The following DMBT1 variants were observed in gnomAD, a reference collection of about 807,000 sequenced individuals.
The protein encoded by DMBT1 is scavenger receptor cysteine-rich domain-containing protein DMBT1.
A neutral mutation model predicts 252.9 loss-of-function variants in DMBT1; 198 were observed. The ratio of observed to expected loss-of-function variants is 0.78; its 90% confidence interval spans 0.70 to 0.88. The LOEUF (loss-of-function observed/expected upper bound fraction) is 0.88, where lower values mean the gene tolerates loss of function less well. Among genes scored for constraint, DMBT1 ranks in the 40% least tolerant of loss-of-function variants. DMBT1 has a pLI of 0.00. For synonymous variants in DMBT1, 990 were observed against 942.7 expected (o/e 1.05, Z -0.92); for missense variants, 2,432 against 2,404.7 (o/e 1.01, Z -0.24).
At position 122,592,610 on chromosome 10, in the gene DMBT1, C is replaced by A. The variant is rs78191656; in HGVS notation, c.2500+15C>A. On this transcript the variant is annotated intron_variant, in intron 20 of 55. Transcript: ENST00000338354. ...CATCTGCTCAGGTGGGCCTCCAAGA[C>A]CTTGGGCTCCCTCTCCTAGACTGGA... 1 of 1,588,332 alleles carries A rather than the reference C, an allele frequency of 6.3e-7. No individual in the cohort carries two copies. The highest frequency in any genetic ancestry group is 8.6e-7 in the Non-Finnish European group (1 of 1,165,604).
Position 122,576,566 on chromosome 10 carries a change from G to C in DMBT1, c.451G>C (p.Ala151Pro). Reference protein sequence around the residue: ...RQLGCGWAMSAPGNAWFGQGS... With the variant: ...RQLGCGWAMSPPGNAWFGQGS... ...GCTGGGTTGTGGCTGGGCCATGTCA[G>C]CTCCAGGAAATGCCTGGTTTGGCCA... The change falls in exon 7 of 56, where the codon GCT becomes CCT. Residue 151 changes from alanine to proline, a missense_variant. Physicochemically the swap from Ala to Pro is conservative, Grantham distance 27. Coordinates refer to ENST00000338354, the MANE Select transcript of DMBT1 (RefSeq NM_001377530.1). 6.2e-7 allele frequency: 1 copy of C among 1,613,970 alleles called. No individual in the cohort carries two copies. The highest frequency in any genetic ancestry group is 8.5e-7 in the Non-Finnish European group (1 of 1,179,864).
chr10:122,633,204 C>T lies in DMBT1; in HGVS notation c.6411C>T (p.Cys2137=), dbSNP rs779346078. Residue 2137 remains cysteine (C), a synonymous_variant, in exon 52 of 56, where the codon TGC becomes TGT. Coordinates refer to ENST00000338354, the MANE Select transcript of DMBT1 (RefSeq NM_001377530.1). ...TTGTCCTGACAGCAGATTATTCCTG[C>T]GGAGGCTTCCTATCCCAACCATCAG... ...NITRPNTDYS[C]GGFLSQPSGD... The T allele has an allele frequency of 1.9e-5, 31 of 1,613,788 alleles. No individual in the cohort carries two copies. The highest frequency in any genetic ancestry group is 8.3e-5 in the Admixed American group (5 of 60,002).
chr10:122,586,277 T>C lies in DMBT1; in HGVS notation c.1677T>C (p.Asp559=), dbSNP rs1334277527. Residue 559 remains aspartate, a synonymous_variant, in exon 16 of 56, where the codon GAT becomes GAC. Transcript: ENST00000338354. ...FGQGSGPIVL[D]DVRCSGNESY... ...AGGGCTCAGGACCCATTGTCCTGGATGACGTGCGCTGCTCAGGGAATGAGT... is the reference window on the plus strand; with the variant it reads ...AGGGCTCAGGACCCATTGTCCTGGACGACGTGCGCTGCTCAGGGAATGAGT... 5.7e-6 allele frequency: 9 copies of C among 1,588,542 alleles called. No individual in the cohort carries two copies. In the African/African-American group the frequency reaches 6.7e-5, roughly 12 times the overall value.
At position 122,570,490 on chromosome 10, in the gene DMBT1, C is replaced by G. The variant is rs7900391; in HGVS notation, c.139+281C>G. On this transcript the variant is annotated intron_variant, in intron 3 of 55. Transcript: ENST00000338354. Reference sequence around the variant, plus strand: ...TTGGTTTTCTTTCAAAACCATCTTTCTTTCTTGTTGAACCACCTTCTCGGG... The same window carrying G: ...TTGGTTTTCTTTCAAAACCATCTTTGTTTCTTGTTGAACCACCTTCTCGGG... 5.8e-3 allele frequency among the ~76,000 whole-genome samples: 880 copies of G among 152,300 alleles called. 7 individuals are homozygous for G. The highest frequency in any genetic ancestry group is 0.02 in the African/African-American group (847 of 41,562).
chr10:122,620,371 G>C, intron 43 of DMBT1, 80 bp downstream of exon 43: 2 of 1,519,280 alleles, frequency 1.3e-6, no homozygotes, highest in East Asian at 4.5e-5. Flanking sequence ...AAAGAATGAG[G>C]CTCAAGCTGG....
At chr10:122,634,464 CTCTCTCTCTCTCTCTCTTTCTCTCTT>C (rs1566009403) in intron 52 of DMBT1, among the ~76,000 whole-genome samples, 1 of 88,158 alleles carries the variant, frequency 1.1e-5, no homozygotes, top group African/African-American at 5.5e-5. Context: ...CTCTCTCTCT[CTCTCTCTCTCTCTCTCTTTCTCTCTT>C]TTTCTTTCTT....
At chr10:122,632,105 C>T (rs1322304234) in intron 50 of DMBT1, among the ~76,000 whole-genome samples, 2 of 152,116 alleles carry the variant, frequency 1.3e-5, no homozygotes, top group African/African-American at 4.8e-5. Flanking sequence ...CGAGGTGAGG[C>T]CCGCCACCTG....
chr10:122,592,317 G>A lies in DMBT1; in HGVS notation c.2222G>A (p.Arg741Lys). Reference sequence around the variant, plus strand: ...CTGAGGCTGGTGAATGGAAGTGACAGGTGTCAGGGCCGAGTAGAGGTCCTA... The same window carrying A: ...CTGAGGCTGGTGAATGGAAGTGACAAGTGTCAGGGCCGAGTAGAGGTCCTA... ...LTLRLVNGSD[R>K]CQGRVEVLYR... Residue 741 changes from arginine to lysine, a missense_variant, in exon 20 of 56, where the codon AGG (arginine) becomes AAG (lysine). Arg to Lys is a conservative substitution (Grantham distance 26). Coordinates refer to ENST00000338354, the MANE Select transcript of DMBT1 (RefSeq NM_001377530.1). 3 of 1,587,854 alleles carry A rather than the reference G, an allele frequency of 1.9e-6. No individual in the cohort carries two copies. Among genetic ancestry groups the A allele is most frequent in the Non-Finnish European group, 2.6e-6 (3 of 1,165,692 alleles).
intron 55 of DMBT1, among the ~76,000 whole-genome samples, chr10:122,642,175 GA>G (rs59805964): frequency 3.5e-5 from 5 of 143,374 alleles, no homozygotes; most frequent in Non-Finnish European, 7.7e-5. Context: ...GAGCTACTGT[GA>G]AAAAAAAAAC....
chr10:122,638,443 T>A (rs1051888890), intron 54 of DMBT1, among the ~76,000 whole-genome samples: 1 of 152,224 alleles, frequency 6.6e-6, no homozygotes, highest in South Asian at 2.1e-4. Flanking sequence ...TTTTATTTTA[T>A]TTTAATTTTT....
chr10:122,599,580 C>T (rs190223500), intron 26 of DMBT1, among the ~76,000 whole-genome samples: 54 of 152,244 alleles, frequency 3.5e-4, no homozygotes, highest in South Asian at 2.9e-3. Flanking sequence ...GATTCTATCA[C>T]GCCTGGGTTG....
At chr10:122,633,075 C>T in intron 51 of DMBT1, 116 bp from the exon 52 acceptor site, 12 of 1,498,706 alleles carry the variant, frequency 8.0e-6, no homozygotes, top group Non-Finnish European at 1.1e-5. Context: ...TACTTGGTTT[C>T]TGTCTTGGGA....
chr10:122,619,483 A>C, intron 42 of DMBT1, 146 bp downstream of exon 42: 1 of 1,045,992 alleles, frequency 9.6e-7, no homozygotes. Flanking sequence ...CTGAGACCCC[A>C]GCATAGTGCT....
chr10:122,579,720 G>T lies in DMBT1; in HGVS notation c.822G>T (p.Gln274His), dbSNP rs772783083. 5 of 1,613,776 alleles carry T rather than the reference G, an allele frequency of 3.1e-6. No individual in the cohort carries two copies. Among genetic ancestry groups the T allele is most frequent in the Non-Finnish European group, 4.2e-6 (5 of 1,179,822 alleles). The change falls in exon 10 of 56, where the codon CAG (glutamine) becomes CAT (histidine). Residue 274 changes from glutamine (Q) to histidine (H), a missense_variant. Gln to His is a conservative substitution (Grantham distance 24, BLOSUM62 0). Transcript: ENST00000338354. The stretch of plus-strand genomic sequence containing the variant: ...ATGATGCCAATGTGGTCTGCAGGCA[G>T]CTGGGCTGTGGCTGGGCCATGTCAG... ...DTNDANVVCR[Q>H]LGCGWAMSAP...
intron 4 of DMBT1, among the ~76,000 whole-genome samples, 156 bp downstream of exon 4, chr10:122,571,093 A>T (rs2097658970): frequency 6.6e-6 from 1 of 152,134 alleles, no homozygotes. Flanking sequence ...TGTATGTGCA[A>T]CTCAGAGTCA....
At chr10:122,641,247 T>G (rs1045094536) in intron 55 of DMBT1, among the ~76,000 whole-genome samples, 24 of 152,156 alleles carry the variant, frequency 1.6e-4, no homozygotes, top group African/African-American at 5.1e-4. Flanking sequence ...GAAGTGGGGT[T>G]TGACTCTTCT....
At chr10:122,633,892 G>A (rs1234209877) in intron 52 of DMBT1, among the ~76,000 whole-genome samples, 2 of 152,138 alleles carry the variant, frequency 1.3e-5, no homozygotes, top group East Asian at 1.9e-4. Flanking sequence ...CCAACACTTT[G>A]GGAGGCCGAG....
Position 122,643,406 on chromosome 10 carries a change from C to T in DMBT1, c.*8C>T. 1 of 1,607,598 alleles carries T rather than the reference C, an allele frequency of 6.2e-7. No individual in the cohort carries two copies. The highest frequency in any genetic ancestry group is 1.1e-5 in the South Asian group (1 of 90,204). On this transcript the variant is annotated 3_prime_UTR_variant, in exon 56 of 56. Transcript: ENST00000338354. ...GAAGAGGAGCCTCGGTAGGTGGTCG[C>T]TCTCAGACCCCACTGTCCACCGGGG...
In DMBT1 at chr10:122,591,634, C is replaced by T. The variant is rs1020216727; in HGVS notation, c.2176+117C>T. 5.5e-5 allele frequency: 64 copies of T among 1,170,684 alleles called. 6 individuals carry two copies. Among genetic ancestry groups the T allele is most frequent in the South Asian group, 1.1e-4 (7 of 66,032 alleles). The allele number at this position is 1,170,684 out of a possible 1,614,324, so 72.5% of individuals were successfully genotyped here. On this transcript the variant is annotated intron_variant, in intron 19 of 55. Coordinates refer to ENST00000338354, the MANE Select transcript of DMBT1 (RefSeq NM_001377530.1). ...CCCCTGTCTTTTTCACATCCCTGTG[C>T]GCTGAGTGGGAGGAAGTTGAGTCTC... is the stretch of plus-strand genomic sequence containing the variant.
Sources: gnomAD v4.1 joint callset for allele counts (sites outside exome capture counted in the v4.1 genomes callset) on GRCh38, gnomAD v4.1.1 for gene constraint, MANE v1.5 for transcripts, NCBI Gene and HGNC (gene_info 2026-07-23, HGNC 2026-07-21) for gene names.